Variants in AOPEP observed in about 807,000 individuals in gnomAD.
AOPEP encodes aminopeptidase O.
AOPEP carries 77 observed loss-of-function variants against 98.1 expected under a neutral mutation model. That is an observed-to-expected ratio of 0.78 (90% confidence interval 0.65 to 0.95). The LOEUF is 0.95. AOPEP is among the 40% of genes least tolerant of loss of function. The pLI is 0.00. For missense variants in AOPEP, 1,024 were observed against 1,024.7 expected (o/e 1.00, Z 0.01); for synonymous variants, 346 against 365.3 (o/e 0.95, Z 0.60).
At chr9:95,025,897 G>A (rs984251089) in intron 13 of AOPEP, among the ~76,000 whole-genome samples, 1 of 152,108 alleles carries the variant, frequency 6.6e-6, no homozygotes, top group Non-Finnish European at 1.5e-5. Context: ...TGCCTCCGCC[G>A]GCAGCAAGCA....
chr9:95,126,450 A>G, the AOPEP span: 6 of 1,343,332 alleles, frequency 4.5e-6, no homozygotes, highest in Non-Finnish European at 3.2e-6. Flanking sequence ...GCCAGAGACT[A>G]CCACAACATT....
chr9:94,918,603 T>C (rs2053151486), intron 5 of AOPEP, among the ~76,000 whole-genome samples: 1 of 152,206 alleles, frequency 6.6e-6, no homozygotes, highest in Admixed American at 6.5e-5. Flanking sequence ...GCTTGCCAGC[T>C]GTGTGACCTT....
intron 3 of AOPEP, among the ~76,000 whole-genome samples, chr9:94,773,680 G>A (rs1464939366): frequency 2.0e-5 from 3 of 152,230 alleles, no homozygotes. Context: ...CAGTGCTAAT[G>A]CATCATCAAG....
chr9:94,869,162 G>C (rs757019737), intron 5 of AOPEP, among the ~76,000 whole-genome samples: 50 of 152,358 alleles, frequency 3.3e-4, no homozygotes, highest in South Asian at 2.7e-3. Context: ...CTGGGAGGCA[G>C]AGGCTGCAGT....
intron 4 of AOPEP, among the ~76,000 whole-genome samples, chr9:94,798,115 A>G (rs1358872875): frequency 6.6e-6 from 1 of 152,202 alleles, no homozygotes; most frequent in African/African-American, 2.4e-5. Context: ...TGCCTTGGTC[A>G]CAAGTGAGCC....
the AOPEP span, chr9:95,111,483 G>A: frequency 4.3e-6 from 7 of 1,613,512 alleles, no homozygotes; most frequent in African/African-American, 1.3e-5. Context: ...GCTCTCTGCT[G>A]CCTCCCATCA....
At chr9:95,143,893 T>C in the AOPEP span, among the ~76,000 whole-genome samples, 1 of 152,202 alleles carries the variant, frequency 6.6e-6, no homozygotes, top group Non-Finnish European at 1.5e-5. Context: ...TAAAAGTTCC[T>C]CTAGGTTATC....
At chr9:95,032,066 C>CAG (rs2064353458) in intron 13 of AOPEP, among the ~76,000 whole-genome samples, 1 of 152,192 alleles carries the variant, frequency 6.6e-6, no homozygotes, top group Admixed American at 6.5e-5. Context: ...GGGGCATGAT[C>CAG]AGAAGGTACA....
Position 94,800,834 on chromosome 9 carries a change from C to G in AOPEP, c.1196C>G (p.Pro399Arg). ...TCTGCCACCACCCAGGAGATCATTC[C>G]TCATCGGGTCTTTGCCCCTGTGTGC... ...NASATTQEII[P>R]HRVFAPVCLT... The change falls in exon 5 of 17, where the codon CCT becomes CGT. Residue 399 changes from proline (P) to arginine (R), a missense_variant. Physicochemically the swap from Pro to Arg is moderately radical, Grantham distance 103. Coordinates refer to ENST00000375315, the MANE Select transcript of AOPEP (RefSeq NM_001193329.3). The G allele has an allele frequency of 6.2e-7, 1 of 1,614,212 alleles. No homozygotes were observed. Among genetic ancestry groups the G allele is most frequent in the East Asian group, 2.2e-5 (1 of 44,894 alleles).
In AOPEP at chr9:94,801,115, A is replaced by T. The variant is rs189066790; in HGVS notation, c.1364+113A>T. On this transcript the variant is annotated intron_variant, in intron 5 of 16. Coordinates refer to ENST00000375315, the MANE Select transcript of AOPEP (RefSeq NM_001193329.3). ...GTCATTTGATTAGAATGGAGGGGCTATGGTTGCTCATGCTTGGACATCTCA... is the reference window on the plus strand; with the variant it reads ...GTCATTTGATTAGAATGGAGGGGCTTTGGTTGCTCATGCTTGGACATCTCA... The T allele has an allele frequency of 1.4e-5, 17 of 1,225,956 alleles. No homozygotes were observed. In the Admixed American group the frequency reaches 3.0e-4, roughly 22 times the overall value. 75.9% of individuals were successfully genotyped at this position (1,225,956 alleles called of 1,614,324 possible). A position where few individuals can be genotyped will look rare whatever the true frequency, so the allele number is the denominator to read the frequency against.
the AOPEP span, chr9:95,110,941 A>G: frequency 1.5e-6 from 2 of 1,345,042 alleles, no homozygotes; most frequent in Non-Finnish European, 1.9e-6. Context: ...TTTCAGAAGC[A>G]AAGTGGTTAA....
At chr9:95,124,173 C>CG in the AOPEP span, among the ~76,000 whole-genome samples, 1 of 143,926 alleles carries the variant, frequency 6.9e-6, no homozygotes, top group African/African-American at 2.6e-5. Flanking sequence ...TTGACGTTGG[C>CG]GGGGGGTGTG....
intron 11 of AOPEP, among the ~76,000 whole-genome samples, chr9:94,979,656 T>C (rs1279843176): frequency 3.3e-5 from 5 of 152,208 alleles, no homozygotes; most frequent in Admixed American, 3.3e-4. Flanking sequence ...GAATTGATGG[T>C]AGCTCCTGAA....
At chr9:94,734,491 A>G (rs1415575513) in intron 1 of AOPEP, among the ~76,000 whole-genome samples, 1 of 152,204 alleles carries the variant, frequency 6.6e-6, no homozygotes, top group Non-Finnish European at 1.5e-5. Context: ...AATTTCCTCA[A>G]TATACTTAAC....
chr9:95,025,311 C>T (rs138158123), intron 13 of AOPEP, among the ~76,000 whole-genome samples: 1 of 152,178 alleles, frequency 6.6e-6, no homozygotes, highest in Non-Finnish European at 1.5e-5. Context: ...CTGGTGTCCC[C>T]CTACTCCTTC....
At chr9:95,015,056 C>T (rs1285995609) in intron 13 of AOPEP, among the ~76,000 whole-genome samples, 1 of 152,164 alleles carries the variant, frequency 6.6e-6, no homozygotes, top group Non-Finnish European at 1.5e-5. Flanking sequence ...ATAACACAAA[C>T]TAAAGACATG....
intron 1 of AOPEP, among the ~76,000 whole-genome samples, chr9:94,752,359 T>TCA (rs58626205): frequency 0.073 from 10,246 of 140,772 alleles, 383 homozygotes; most frequent in African/African-American, 0.11. Context: ...TCTCTCTCTC[T>TCA]CACACACACA....
At chr9:94,928,990 C>T (rs1386073295) in intron 7 of AOPEP, 1 of 155,654 alleles carries the variant, frequency 6.4e-6, no homozygotes, top group Non-Finnish European at 1.4e-5. Flanking sequence ...CTCTGCTGCT[C>T]CCCTGTGCAG....
intron 11 of AOPEP, among the ~76,000 whole-genome samples, chr9:95,002,689 C>A (rs2061640743): frequency 6.6e-6 from 1 of 152,138 alleles, no homozygotes; most frequent in South Asian, 2.1e-4. Context: ...ATAATTTGGA[C>A]TGGGGAGTAA....
Sources: allele counts gnomAD v4.1 joint callset (sites outside exome capture counted in the v4.1 genomes callset), GRCh38; gene constraint gnomAD v4.1.1; transcripts MANE v1.5; gene names NCBI Gene and HGNC (gene_info 2026-07-23, HGNC 2026-07-21).